LPP: variants seen among roughly 807,000 people sequenced by gnomAD.
LPP encodes the protein LIM domain containing preferred translocation partner in lipoma, also known as lipoma-preferred partner.
A neutral mutation model predicts 60.4 loss-of-function variants in LPP; 38 were observed. That is an observed-to-expected ratio of 0.63 (90% confidence interval 0.49 to 0.83). The LOEUF (loss-of-function observed/expected upper bound fraction) is 0.83, where lower values mean the gene tolerates loss of function less well. Ranked by LOEUF, LPP falls within the 40% of genes least tolerant of loss-of-function variation. The pLI is 0.00. For missense variants in LPP, 902 were observed against 783.6 expected, an observed-to-expected ratio of 1.15 and a Z score of -1.80; for synonymous variants, 328 against 290.8, an observed-to-expected ratio of 1.13 and a Z score of -1.30.
At chr3:188,653,058 T>G (rs995334217) in intron 7 of LPP, among the ~76,000 whole-genome samples, 23 of 152,202 alleles carry the variant, frequency 1.5e-4, no homozygotes, top group Admixed American at 1.3e-3. Flanking sequence ...AATTCTTGCC[T>G]CAAGAAGAGT....
intron 3 of LPP, among the ~76,000 whole-genome samples, chr3:188,368,978 A>G (rs887918105): frequency 1.3e-5 from 2 of 152,122 alleles, no homozygotes; most frequent in Non-Finnish European, 2.9e-5. Context: ...TCACTACATC[A>G]AGATGGTGTT....
intron 7 of LPP, among the ~76,000 whole-genome samples, chr3:188,640,270 A>T (rs1326479788): frequency 6.6e-5 from 10 of 151,292 alleles, no homozygotes; most frequent in African/African-American, 2.4e-4. Context: ...TCGCAAGAAC[A>T]AAAAACCAAA....
intron 2 of LPP, among the ~76,000 whole-genome samples, chr3:188,306,798 T>C (rs1368768354): frequency 6.6e-6 from 1 of 152,220 alleles, no homozygotes; most frequent in East Asian, 1.9e-4. Context: ...GTAAACTCTT[T>C]GGTTTTTAAA....
Position 188,643,398 on chromosome 3 carries a change from A to G in LPP, c.1113+33554A>G, listed in dbSNP as rs560963918. On this transcript the variant is annotated intron_variant, in intron 7 of 11. Coordinates refer to ENST00000617246, the MANE Select transcript of LPP (RefSeq NM_001375462.1). ...TTAGATTCAATTAAATAAGTAATGC[A>G]CCTAAAGATTCATCAGCTGGGAATA... Among the ~76,000 whole-genome samples, 19 of 152,298 alleles carry G rather than the reference A, an allele frequency of 1.2e-4. No individual in the cohort carries two copies. The South Asian group carries it at 3.5e-3, about 28-fold the overall frequency.
intron 1 of LPP, among the ~76,000 whole-genome samples, chr3:188,186,995 T>G (rs370298569): frequency 1.3e-5 from 2 of 152,230 alleles, no homozygotes; most frequent in Admixed American, 6.5e-5. Flanking sequence ...ATATGAACTT[T>G]TGACAGTTTC....
chr3:188,878,770 A>AAG lies in LPP; in HGVS notation c.*4292_*4293insGA, dbSNP rs911521539. ...AAAAAGTAAAAAAGTAAAAAAAAAAAAAAAAGAAAGAAAGAAAAGAAAGAG... is the reference window on the plus strand; with the variant it reads ...AAAAAGTAAAAAAGTAAAAAAAAAAAAGAAAAAGAAAGAAAGAAAAGAAAGAG... On this transcript the variant is annotated 3_prime_UTR_variant, in exon 12 of 12. Transcript: ENST00000617246. The AAG allele has an allele frequency of 4.9e-6, 1 of 204,482 alleles. No individual in the cohort carries two copies. The highest frequency in any genetic ancestry group is 2.3e-5 in the African/African-American group (1 of 43,726). The allele number at this position is 204,482 out of a possible 1,614,324, so 12.7% of individuals were successfully genotyped here. A position where few individuals can be genotyped will look rare whatever the true frequency, so the allele number is the denominator to read the frequency against.
At chr3:188,339,649 A>G (rs902320559) in intron 2 of LPP, among the ~76,000 whole-genome samples, 7 of 152,180 alleles carry the variant, frequency 4.6e-5, no homozygotes, top group African/African-American at 1.7e-4. Context: ...CTCACTCACT[A>G]TCATGAGAAC....
Position 188,513,780 on chromosome 3 carries a change from T to C in LPP, c.307-10885T>C, listed in dbSNP as rs78851905. Among the ~76,000 whole-genome samples the C allele has an allele frequency of 5.1e-3, 780 of 152,290 alleles. 8 individuals are homozygous for C. The highest frequency in any genetic ancestry group is 0.017 in the African/African-American group (726 of 41,558). Reference sequence around the variant, plus strand: ...AGTGAACAGTGAGGCTACTTGTGTATACCCAAGTTCAGATCACTTTAACCA... The same window carrying C: ...AGTGAACAGTGAGGCTACTTGTGTACACCCAAGTTCAGATCACTTTAACCA... On this transcript the variant is annotated intron_variant, in intron 5 of 11. Coordinates refer to ENST00000617246, the MANE Select transcript of LPP (RefSeq NM_001375462.1).
chr3:188,407,795 T>TTTTTTTTTTTTTTG (rs1783996295), intron 4 of LPP, among the ~76,000 whole-genome samples: 2 of 137,460 alleles, frequency 1.5e-5, no homozygotes, highest in Non-Finnish European at 3.1e-5. Context: ...TTTGTTTTTT[T>TTTTTTTTTTTTTTG]TTTTTTTTTT....
intron 3 of LPP, among the ~76,000 whole-genome samples, chr3:188,384,324 A>G (rs13079689): frequency 1.4e-5 from 2 of 138,878 alleles, no homozygotes; most frequent in African/African-American, 2.5e-5. Flanking sequence ...TAGTGTATGT[A>G]TGTGCATGTG....
At chr3:188,861,340 C>T (rs17351667) in intron 9 of LPP, among the ~76,000 whole-genome samples, 2,369 of 152,104 alleles carry the variant, frequency 0.016, 17 homozygotes, top group Non-Finnish European at 0.024. Flanking sequence ...AAGAGTCTTT[C>T]CTGTTTCACG....
intron 6 of LPP, among the ~76,000 whole-genome samples, chr3:188,540,607 T>C (rs1387895219): frequency 6.6e-6 from 1 of 152,202 alleles, no homozygotes; most frequent in Non-Finnish European, 1.5e-5. Context: ...GCCTCAGTTC[T>C]TTTATCTCTA....
At chr3:188,730,446 A>G (rs949594270) in intron 8 of LPP, among the ~76,000 whole-genome samples, 2 of 152,230 alleles carry the variant, frequency 1.3e-5, no homozygotes, top group African/African-American at 4.8e-5. Context: ...AATTGAGTGA[A>G]TTATCCCAAG....
chr3:188,339,185 C>T (rs1320935835), intron 2 of LPP, among the ~76,000 whole-genome samples: 4 of 152,156 alleles, frequency 2.6e-5, no homozygotes. Context: ...TACACAGAGG[C>T]AGCCAAGGAT....
At chr3:188,267,196 T>C (rs1407987880) in intron 2 of LPP, among the ~76,000 whole-genome samples, 4 of 152,162 alleles carry the variant, frequency 2.6e-5, no homozygotes, top group Non-Finnish European at 5.9e-5. Context: ...ACTTCTTGCC[T>C]CTCAAGTCCT....
intron 9 of LPP, among the ~76,000 whole-genome samples, chr3:188,760,760 T>G (rs1732040012): frequency 6.6e-6 from 1 of 152,162 alleles, no homozygotes. Context: ...TCCATTTTTA[T>G]CTACCAAAAT....
rs139910895 is a variant in LPP, at chr3:188,340,213, G to A, written c.-66-1450G>A. ...TTAACCATGTGATCTTTGAAGTTTG[G>A]TTTTTGTATTTGTAAAATTTGGGTA... On this transcript the variant is annotated intron_variant, in intron 2 of 11. Coordinates refer to ENST00000617246, the MANE Select transcript of LPP (RefSeq NM_001375462.1). Among the ~76,000 whole-genome samples, 232 of 152,204 alleles carry A rather than the reference G, an allele frequency of 1.5e-3. 1 individual carries two copies. The highest frequency in any genetic ancestry group is 5.3e-3 in the African/African-American group (221 of 41,534).
At chr3:188,688,690 A>G (rs1172971622) in intron 7 of LPP, 7 of 434,792 alleles carry the variant, frequency 1.6e-5, no homozygotes, top group Non-Finnish European at 3.2e-5. Flanking sequence ...ACATCTAAAT[A>G]TGGCTTGTCT....
rs149529569 is a variant in LPP, at chr3:188,688,954, TA to T, written c.1114-19311del. On this transcript the variant is annotated intron_variant, in intron 7 of 11. Coordinates refer to ENST00000617246, the MANE Select transcript of LPP (RefSeq NM_001375462.1). ...TTATTTTAACTTTGTTCACATCTGTTAACTGCTCTGAAAATCAGAGCTAATA... is the reference window on the plus strand; with the variant it reads ...TTATTTTAACTTTGTTCACATCTGTTACTGCTCTGAAAATCAGAGCTAATA... 295 of 492,552 alleles carry T rather than the reference TA, an allele frequency of 6.0e-4. 1 individual carries two copies. Among genetic ancestry groups the T allele is most frequent in the African/African-American group, 5.2e-3 (255 of 49,012 alleles). The allele number at this position is 492,552 out of a possible 1,614,324, so 30.5% of individuals were successfully genotyped here.
Sources: gnomAD v4.1 joint callset for allele counts (sites outside exome capture counted in the v4.1 genomes callset) on GRCh38, gnomAD v4.1.1 for gene constraint, MANE v1.5 for transcripts, NCBI Gene and HGNC (gene_info 2026-07-23, HGNC 2026-07-21) for gene names.